HDGFL3: variants seen among roughly 807,000 people sequenced by gnomAD.
HDGFL3 encodes the protein hepatoma-derived growth factor-related protein 3.
HDGFL3 carries 6 observed loss-of-function variants against 27.6 expected under a neutral mutation model. The ratio of observed to expected loss-of-function variants is 0.22; its 90% CI spans 0.12 to 0.43. The LOEUF (loss-of-function observed/expected upper bound fraction) is 0.43. Ranked by LOEUF, HDGFL3 falls within the 20% of genes least tolerant of loss-of-function variation. The pLI, the probability that HDGFL3 is intolerant of heterozygous loss-of-function variation, is 1.00. For missense variants in HDGFL3, 207 were observed against 250.1 expected, an observed-to-expected ratio of 0.83 and a Z score of 1.16; for synonymous variants, 88 against 88.9, an observed-to-expected ratio of 0.99 and a Z score of 0.05.
intron 1 of HDGFL3, among the ~76,000 whole-genome samples, chr15:83,176,992 A>T (rs2037320412): frequency 8.1e-6 from 1 of 123,920 alleles, no homozygotes. Context: ...ATCTCAGCTC[A>T]CTGCAACCTC....
intron 5 of HDGFL3, among the ~76,000 whole-genome samples, chr15:83,150,868 T>G (rs1194833374): frequency 1.3e-5 from 2 of 152,354 alleles, no homozygotes; most frequent in Admixed American, 1.3e-4. Flanking sequence ...ATTTTGAACA[T>G]GCCATTGATT....
intron 1 of HDGFL3, among the ~76,000 whole-genome samples, chr15:83,183,679 G>A (rs1282847650): frequency 1.3e-5 from 2 of 151,934 alleles, no homozygotes; most frequent in South Asian, 2.1e-4. Flanking sequence ...CTCAGGAGGC[G>A]GAGGCGGAGG....
intron 1 of HDGFL3, chr15:83,186,143 C>T (rs2037438764): frequency 1.3e-5 from 2 of 152,224 alleles, no homozygotes; most frequent in African/African-American, 4.8e-5. Flanking sequence ...GACCCAGAGC[C>T]AGAGGATCCA....
chr15:83,182,067 T>C lies in HDGFL3; in HGVS notation c.85-17992A>G, dbSNP rs573182090. On this transcript the variant is annotated intron_variant, in intron 1 of 5. Transcript: ENST00000299633. ...CTAAATCAAGTATAGAACATTTAAG[T>C]CATCTCAGACATTTTCCCTGTACTC... Among the ~76,000 whole-genome samples, 3 of 152,342 alleles carry C rather than the reference T, an allele frequency of 2.0e-5. No individual in the cohort carries two copies. The South Asian group carries it at 6.2e-4, about 32-fold the overall frequency.
At position 83,138,984 on chromosome 15, in the gene HDGFL3, A is replaced by T. The variant is rs1422974220; in HGVS notation, c.*286T>A. 4.0e-6 allele frequency: 1 copy of T among 250,480 alleles called. No homozygotes were observed. Among genetic ancestry groups the T allele is most frequent in the African/African-American group, 2.2e-5 (1 of 45,456 alleles). The allele number at this position is 250,480 out of a possible 1,614,324, so 15.5% of individuals were successfully genotyped here. The stretch of plus-strand genomic sequence containing the variant: ...ATAACTGCCTTGATAAAAGGATCCT[A>T]GACATGTATAAGTCTGCGCAAAAAT... On this transcript the variant is annotated 3_prime_UTR_variant, in exon 6 of 6. Transcript: ENST00000299633.
chr15:83,115,921 C>A, intron 3 of HDGFL3: 1 of 1,613,916 alleles, frequency 6.2e-7, no homozygotes, highest in African/African-American at 1.3e-5. Flanking sequence ...TTGACGGGTT[C>A]ATGACACACT....
chr15:83,115,996 T>A (rs2034624554), intron 3 of HDGFL3: 3 of 1,324,434 alleles, frequency 2.3e-6, no homozygotes, highest in Non-Finnish European at 3.3e-6. Flanking sequence ...ACAACCCAGA[T>A]CACATTACTC....
At chr15:83,170,888 AAAAC>A (rs2037237933) in intron 1 of HDGFL3, among the ~76,000 whole-genome samples, 1 of 151,932 alleles carries the variant, frequency 6.6e-6, no homozygotes, top group African/African-American at 2.4e-5. Context: ...AAAAAAAAAA[AAAAC>A]AAATAATCTC....
At chr15:83,196,539 T>G (rs1005597978) in intron 1 of HDGFL3, among the ~76,000 whole-genome samples, 2 of 152,044 alleles carry the variant, frequency 1.3e-5, no homozygotes, top group Non-Finnish European at 2.9e-5. Context: ...AAAACACCAA[T>G]TATTCAAATC....
intron 1 of HDGFL3, among the ~76,000 whole-genome samples, chr15:83,206,741 C>A (rs1447603099): frequency 1.3e-5 from 2 of 152,230 alleles, no homozygotes; most frequent in Non-Finnish European, 2.9e-5. Flanking sequence ...ACCAGAGAGG[C>A]ACGTACCCCA....
rs2036247030 is a variant in HDGFL3, at chr15:83,131,495, G to A, written c.*7775C>T. 1 of 152,312 alleles carries A rather than the reference G, an allele frequency of 6.6e-6. No homozygotes were observed. Among genetic ancestry groups the A allele is most frequent in the Non-Finnish European group, 1.5e-5 (1 of 68,198 alleles). 9.4% of individuals were successfully genotyped at this position (152,312 alleles called of 1,614,324 possible). On this transcript the variant is annotated 3_prime_UTR_variant, in exon 6 of 6. Transcript: ENST00000299633. ...AAAATACAAAAAATTAGCTGGGTGT[G>A]GTGGTGGGCATCTATAATCCCAGCT...
At chr15:83,116,378 A>G (rs2034662759) in intron 3 of HDGFL3, among the ~76,000 whole-genome samples, 1 of 152,252 alleles carries the variant, frequency 6.6e-6, no homozygotes, top group African/African-American at 2.4e-5. Context: ...CATGCTGCCC[A>G]AATCATAGCT....
intron 1 of HDGFL3, among the ~76,000 whole-genome samples, chr15:83,164,874 C>T (rs2037150247): frequency 6.6e-6 from 1 of 152,230 alleles, no homozygotes; most frequent in African/African-American, 2.4e-5. Context: ...ACTTTTCTCT[C>T]CTCATGCCAT....
chr15:83,183,551 A>T (rs1171698891), intron 1 of HDGFL3, among the ~76,000 whole-genome samples: 5 of 152,148 alleles, frequency 3.3e-5, no homozygotes, highest in African/African-American at 1.2e-4. Context: ...ACTAGAGGTC[A>T]GGAAGTCGAG....
chr15:83,201,056 C>A (rs2037639362), intron 1 of HDGFL3, among the ~76,000 whole-genome samples: 1 of 151,850 alleles, frequency 6.6e-6, no homozygotes, highest in African/African-American at 2.4e-5. Context: ...CAACCCATTC[C>A]CCCTTTTACA....
At position 83,139,104 on chromosome 15, in the gene HDGFL3, C is replaced by G. The variant is rs925985001; in HGVS notation, c.*166G>C. On this transcript the variant is annotated 3_prime_UTR_variant, in exon 6 of 6. Coordinates refer to ENST00000299633, the MANE Select transcript of HDGFL3 (RefSeq NM_016073.4). ...TAAAAAAGGCTAAAATGTCTTTTCC[C>G]CCCGAAACACAACAGAGAGGAATAT... 7.2e-6 allele frequency: 3 copies of G among 415,898 alleles called. No homozygotes were observed. The Admixed American group carries it at 1.2e-4, about 17-fold the overall frequency. The allele number at this position is 415,898 out of a possible 1,614,324, so 25.8% of individuals were successfully genotyped here.
At chr15:83,194,444 G>C (rs2037546706) in intron 1 of HDGFL3, among the ~76,000 whole-genome samples, 1 of 152,130 alleles carries the variant, frequency 6.6e-6, no homozygotes, top group South Asian at 2.1e-4. Flanking sequence ...AGTTTGTTTT[G>C]CAAGATGAAA....
chr15:83,192,613 G>T (rs1596567050), intron 1 of HDGFL3, among the ~76,000 whole-genome samples: 2 of 152,176 alleles, frequency 1.3e-5, no homozygotes, highest in African/African-American at 4.8e-5. Context: ...AGCATTTTTT[G>T]GATAATTTTT....
At chr15:83,151,097 G>C in intron 5 of HDGFL3, 118 bp downstream of exon 5, 4 of 937,432 alleles carry the variant, frequency 4.3e-6, no homozygotes, top group Non-Finnish European at 6.5e-6. Flanking sequence ...CATATAATAG[G>C]CTGAGAATAC....
Sources: allele counts gnomAD v4.1 joint callset (sites outside exome capture counted in the v4.1 genomes callset), GRCh38; gene constraint gnomAD v4.1.1; transcripts MANE v1.5; gene names NCBI Gene and HGNC (gene_info 2026-07-23, HGNC 2026-07-21).